OBSL1: variants seen among roughly 807,000 people sequenced by gnomAD.
OBSL1 encodes the protein obscurin like cytoskeletal adaptor 1.
In OBSL1, 160 loss-of-function variants were observed where a neutral mutation model predicts 172.0. That is an observed-to-expected ratio of 0.93 (90% CI 0.82 to 1.06). The LOEUF (loss-of-function observed/expected upper bound fraction) is 1.06, where lower values mean the gene tolerates loss of function less well. Ranked by LOEUF, OBSL1 falls within the 50% of genes least tolerant of loss-of-function variation. The probability of loss-of-function intolerance (pLI) is 0.00; values close to 1 mark genes in which losing one functional copy is unlikely to be tolerated. For synonymous variants in OBSL1, 1,200 were observed against 1,196.3 expected, an observed-to-expected ratio of 1.00 and a Z score of -0.06; for missense variants, 2,681 against 2,715.4, an observed-to-expected ratio of 0.99 and a Z score of 0.28.
In OBSL1 at chr2:219,558,415, G is replaced by T. The variant is rs945991099; in HGVS notation, c.3271C>A (p.Leu1091Met). The change falls in exon 10 of 21, where the codon CTG becomes ATG. Residue 1091 changes from leucine to methionine, a missense_variant. Leu to Met is a conservative substitution (Grantham distance 15). Around this residue, in one of 5 missense-constraint regions of OBSL1, gnomAD observed 1,765 missense variants for 1,748.3 expected, o/e 1.01. Coordinates refer to ENST00000404537, the MANE Select transcript of OBSL1 (RefSeq NM_015311.3). Reference protein sequence around the residue: ...IVHPAARSLDLHFGAPGRVEL... With the variant: ...IVHPAARSLDMHFGAPGRVEL... ...ACGCGCCCTGGAGCCCCAAAATGCA[G>T]ATCCAGGGAGCGGGCTGCCGGGTGC... is the stretch of plus-strand genomic sequence containing the variant. 10 of 1,599,726 alleles carry T rather than the reference G, an allele frequency of 6.3e-6. No individual in the cohort carries two copies. The highest frequency in any genetic ancestry group is 1.3e-5 in the African/African-American group (1 of 74,638).
intron 1 of OBSL1, chr2:219,569,459 T>A (rs1164694084): frequency 6.6e-6 from 1 of 152,188 alleles, no homozygotes. Context: ...GAGTTTGGGG[T>A]GTGCTTTTTT....
Position 219,552,698 on chromosome 2 carries a change from C to T in OBSL1, c.5147-1G>A, listed in dbSNP as rs1286094710. On this transcript the variant is annotated splice_acceptor_variant, in intron 17 of 20. Coordinates refer to ENST00000404537, the MANE Select transcript of OBSL1 (RefSeq NM_015311.3). LOFTEE classifies it high-confidence loss of function. ...TCGGAGAGTACCGCCACAGTACGCTCTGGGGCGGAGCCCGGGGCGTGAGCG... is the reference window on the plus strand; with the variant it reads ...TCGGAGAGTACCGCCACAGTACGCTTTGGGGCGGAGCCCGGGGCGTGAGCG... 1 of 1,522,276 alleles carries T rather than the reference C, an allele frequency of 6.6e-7. No individual in the cohort carries two copies. Among genetic ancestry groups the T allele is most frequent in the Non-Finnish European group, 8.8e-7 (1 of 1,134,778 alleles). The allele number at this position is 1,522,276 out of a possible 1,614,324, so 94.3% of individuals were successfully genotyped here. A position where few individuals can be genotyped will look rare whatever the true frequency, so the allele number is the denominator to read the frequency against.
In OBSL1 at chr2:219,563,383, C is replaced by A; in HGVS notation, c.2652G>T (p.Glu884Asp). 1 of 1,597,662 alleles carries A rather than the reference C, an allele frequency of 6.3e-7. No individual in the cohort carries two copies. The highest frequency in any genetic ancestry group is 1.1e-5 in the South Asian group (1 of 88,406). The change falls in exon 7 of 21, where the codon GAG (glutamate) becomes GAT (aspartate). Residue 884 changes from glutamate to aspartate, a missense_variant. Physicochemically the swap from Glu to Asp is conservative, Grantham distance 45 (BLOSUM62 2). This residue lies in a region of OBSL1 where 1,765 missense variants were observed against 1,748.3 expected (regional missense o/e 1.01). Transcript: ENST00000404537. The part of the protein sequence containing the change: ...GGEFQCVAGD[E>D]CAYFTVTITD... Reference sequence around the variant, plus strand: ...TGATGGTGACAGTGAAGTAGGCACACTCATCTCCAGCGACGCACTGAAACT... The same window carrying A: ...TGATGGTGACAGTGAAGTAGGCACAATCATCTCCAGCGACGCACTGAAACT...
At chr2:219,549,843 G>A (rs764888043), downstream of OBSL1, 3 of 1,614,086 alleles carry the variant, frequency 1.9e-6, no homozygotes, top group East Asian at 2.2e-5. Flanking sequence ...AGGCCCCCCA[G>A]TGCGGGTATA....
chr2:219,558,259 C>T lies in OBSL1; in HGVS notation c.3427G>A (p.Ala1143Thr), dbSNP rs202017204. Reference protein sequence around the residue: ...GPTRTLTLPHAQPEDAGEYVC... With the variant: ...GPTRTLTLPHTQPEDAGEYVC... The stretch of plus-strand genomic sequence containing the variant: ...TACTCCCCGGCGTCCTCAGGCTGGG[C>T]GTGGGGCAGGGTCAGGGTGCGGGTG... Residue 1143 changes from alanine to threonine, a missense_variant, in exon 10 of 21, where the codon GCC becomes ACC. By Grantham distance (58) the Ala-to-Thr change is moderately conservative. Around this residue, in one of 5 missense-constraint regions of OBSL1, gnomAD observed 1,765 missense variants for 1,748.3 expected, o/e 1.01. Transcript: ENST00000404537. 1.1e-4 allele frequency: 173 copies of T among 1,610,420 alleles called. 1 individual carries two copies. The highest frequency in any genetic ancestry group is 1.2e-4 in the Non-Finnish European group (142 of 1,178,444).
At position 219,562,624 on chromosome 2, in the gene OBSL1, C is replaced by G; in HGVS notation, c.2731G>C (p.Val911Leu). The change falls in exon 8 of 21, where the codon GTG becomes CTG. Residue 911 changes from valine (V) to leucine (L), a missense_variant. By Grantham distance (32) the Val-to-Leu change is conservative. Coordinates refer to ENST00000404537, the MANE Select transcript of OBSL1 (RefSeq NM_015311.3). Reference protein sequence around the residue: ...YPSGKVYVAAVRLERVVLTCE... With the variant: ...YPSGKVYVAALRLERVVLTCE... ...GTCAGCACCACACGCTCCAGGCGCACGGCTGCCACATACACCTTGCCGCTG... is the reference window on the plus strand; with the variant it reads ...GTCAGCACCACACGCTCCAGGCGCAGGGCTGCCACATACACCTTGCCGCTG... 6.3e-7 allele frequency: 1 copy of G among 1,591,504 alleles called. No individual in the cohort carries two copies. The highest frequency in any genetic ancestry group is 8.5e-7 in the Non-Finnish European group (1 of 1,169,688).
intron 12 of OBSL1, 187 bp from the exon 13 acceptor site, chr2:219,556,910 G>T: frequency 1.6e-6 from 1 of 644,300 alleles, no homozygotes; most frequent in East Asian, 2.8e-5. Flanking sequence ...CTTTTAGTCA[G>T]TTCCTCATAA....
Position 219,552,898 on chromosome 2 carries a change from G to T in OBSL1, c.5116C>A (p.Arg1706Ser). Residue 1706 changes from arginine (R) to serine (S), a missense_variant, in exon 17 of 21, where the codon CGC (arginine) becomes AGC (serine). This residue lies in a region of OBSL1 where 1,765 missense variants were observed against 1,748.3 expected (regional missense o/e 1.01). Transcript: ENST00000404537. ...ACGGTCAGGCGGACCGGTCCGGCGC[G>T]GGCCGTCCCCACCGCGCAGCTGTAG... ...GTYSCAVGTA[R>S]AGPVRLTVRE... 1 of 1,540,944 alleles carries T rather than the reference G, an allele frequency of 6.5e-7. No individual in the cohort carries two copies.
In OBSL1 at chr2:219,567,107, C is replaced by A; in HGVS notation, c.1857G>T (p.Val619=). Residue 619 remains valine, a synonymous_variant, in exon 5 of 21, where the codon GTG becomes GTT. Coordinates refer to ENST00000404537, the MANE Select transcript of OBSL1 (RefSeq NM_015311.3). The stretch of plus-strand genomic sequence containing the variant: ...ATACCTGCACATCCTCCAGACCTGC[C>A]ACCAGGCGAGCTGTGGGCACTGAGG... ...SAHLVPTARL[V]AGLEDVQVYD... The A allele has an allele frequency of 3.1e-6, 5 of 1,613,136 alleles. No individual in the cohort carries two copies. Among genetic ancestry groups the A allele is most frequent in the Non-Finnish European group, 3.4e-6 (4 of 1,179,662 alleles).
At chr2:219,548,412 T>C (rs7597875), downstream of OBSL1, among the ~76,000 whole-genome samples, 73,442 of 152,076 alleles carry the variant, frequency 0.48, 18,646 homozygotes, top group South Asian at 0.75. Context: ...TAGAGTGATA[T>C]GACAGAGACA....
Position 219,565,438 on chromosome 2 carries a change from A to T in OBSL1, c.2211T>A (p.Thr737=). 6.2e-7 allele frequency: 1 copy of T among 1,613,720 alleles called. No homozygotes were observed. The highest frequency in any genetic ancestry group is 8.5e-7 in the Non-Finnish European group (1 of 1,179,870). ...GGAAGTCCACCCTTGAGAGCTCACA[A>T]GTCAGCACCACCCGCTCTGAGGTTG... ...TFTTSERVVL[T]CELSRVDFPA... is the part of the protein sequence containing the mutation. Residue 737 remains threonine (T), a synonymous_variant, in exon 6 of 21, where the codon ACT becomes ACA. Transcript: ENST00000404537.
downstream of OBSL1, chr2:219,547,828 C>G (rs764888097): frequency 1.3e-6 from 2 of 1,590,356 alleles, no homozygotes; most frequent in South Asian, 2.2e-5. Flanking sequence ...GTGCCCTGCT[C>G]ACTCTGCGCT....
chr2:219,554,279 C>T (rs536713781), intron 15 of OBSL1, 195 bp downstream of exon 15: 2 of 669,344 alleles, frequency 3.0e-6, no homozygotes, highest in East Asian at 5.5e-5. Context: ...TCAGGGGCCA[C>T]ACCCAGGCAG....
chr2:219,560,209 C>T (rs1696358513), intron 8 of OBSL1, among the ~76,000 whole-genome samples: 1 of 152,196 alleles, frequency 6.6e-6, no homozygotes, highest in African/African-American at 2.4e-5. Context: ...TATACAACTT[C>T]CTTAAGGTCA....
Position 219,552,569 on chromosome 2 carries a change from T to A in OBSL1, c.5275A>T (p.Arg1759Ter). ...CGGATGCGGACGCGGGCTCCGGGTC[T>A]CAGCGGGCGGCCTCCGAGCTCCCAG... ...GRWELGGRPL[R>*]PGARVRIRQE... Residue 1759 changes from arginine to a stop codon, truncating the protein, a stop_gained, in exon 18 of 21, where the codon AGA (arginine) becomes TGA (stop). Coordinates refer to ENST00000404537, the MANE Select transcript of OBSL1 (RefSeq NM_015311.3). LOFTEE classifies it high-confidence loss of function. 6.3e-7 allele frequency: 1 copy of A among 1,595,320 alleles called. No individual in the cohort carries two copies. The highest frequency in any genetic ancestry group is 8.5e-7 in the Non-Finnish European group (1 of 1,177,210).
rs2106097783 is a variant in OBSL1, at chr2:219,567,583, C to A, written c.1535-8G>T. The A allele has an allele frequency of 3.1e-6, 5 of 1,605,832 alleles. No individual in the cohort carries two copies. Among genetic ancestry groups the A allele is most frequent in the Non-Finnish European group, 4.3e-6 (5 of 1,173,354 alleles). On this transcript the variant is annotated splice_region_variant and splice_polypyrimidine_tract_variant and intron_variant, in intron 3 of 20. Transcript: ENST00000404537. Reference sequence around the variant, plus strand: ...GGGGACTGTGCTTGACACCTGAGACCAAGGCAGGGATGTGTTCCGGCCTTG... The same window carrying A: ...GGGGACTGTGCTTGACACCTGAGACAAAGGCAGGGATGTGTTCCGGCCTTG...
Position 219,552,653 on chromosome 2 carries a change from G to T in OBSL1, c.5191C>A (p.Arg1731Ser). The part of the protein sequence containing the change: ...VLSELRSVSA[R>S]EGDGATFECT... The stretch of plus-strand genomic sequence containing the variant: ...TCGAACGTAGCGCCGTCGCCTTCGC[G>T]GGCGCTCACCGACCGCAGCTCGGAG... Residue 1731 changes from arginine to serine, a missense_variant, in exon 18 of 21, where the codon CGC becomes AGC. By Grantham distance (110) the Arg-to-Ser change is moderately radical. Around this residue, in one of 5 missense-constraint regions of OBSL1, gnomAD observed 1,765 missense variants for 1,748.3 expected, o/e 1.01. Coordinates refer to ENST00000404537, the MANE Select transcript of OBSL1 (RefSeq NM_015311.3). 2 of 1,545,056 alleles carry T rather than the reference G, an allele frequency of 1.3e-6. No individual in the cohort carries two copies. The highest frequency in any genetic ancestry group is 1.7e-6 in the Non-Finnish European group (2 of 1,149,550).
rs1349524127 is a variant in OBSL1 at position 219,571,276 on chromosome 2, G to T, written c.-44C>A. On this transcript the variant is annotated 5_prime_UTR_variant, in exon 1 of 21. Transcript: ENST00000404537. Reference sequence around the variant, plus strand: ...GCAGCGGCGAACGGTGGGGGGGCAGGGGGGGGTGCGGAGGGCGAGCCGAGG... The same window carrying T: ...GCAGCGGCGAACGGTGGGGGGGCAGTGGGGGGTGCGGAGGGCGAGCCGAGG... 4.6e-6 allele frequency: 5 copies of T among 1,084,636 alleles called. 1 individual carries two copies. The highest frequency in any genetic ancestry group is 1.6e-5 in the African/African-American group (1 of 62,018). 67.2% of individuals were successfully genotyped at this position (1,084,636 alleles called of 1,614,324 possible).
At chr2:219,562,169 G>A (rs916105602) in intron 8 of OBSL1, among the ~76,000 whole-genome samples, 15 of 152,266 alleles carry the variant, frequency 9.9e-5, no homozygotes, top group African/African-American at 3.6e-4. Context: ...CCTGATTCAG[G>A]GAAAGTGCTC....
Sources: gnomAD v4.1 joint callset for allele counts (sites outside exome capture counted in the v4.1 genomes callset) on GRCh38, gnomAD v4.1.1 for gene constraint, gnomAD v4.1.1 regional missense constraint, MANE v1.5 for transcripts, NCBI Gene and HGNC (gene_info 2026-07-23, HGNC 2026-07-21) for gene names.